The following PCDHGB1 variants were observed in gnomAD, a reference collection of about 807,000 sequenced individuals.
PCDHGB1 encodes the protein protocadherin gamma-B1.
Under a neutral mutation model 56.6 loss-of-function variants are expected in PCDHGB1, and 34 were observed. The observed-to-expected ratio is 0.60, with a 90% CI of 0.46 to 0.80. The LOEUF is 0.80. Ranked by LOEUF, PCDHGB1 falls within the 30% of genes least tolerant of loss-of-function variation. The pLI, the probability that PCDHGB1 is intolerant of heterozygous loss-of-function variation, is 0.00. For missense variants in PCDHGB1, 1,278 were observed against 1,204.6 expected (o/e 1.06, Z -0.90); for synonymous variants, 561 against 505.9 (o/e 1.11, Z -1.46).
At chr5:141,400,629 C>A (rs1416723451) in intron 1 of PCDHGB1, 1 of 1,389,786 alleles carries the variant, frequency 7.2e-7, no homozygotes, top group African/African-American at 1.4e-5. Context: ...TTAGGGAAGT[C>A]AGAGCTGCTC....
At chr5:141,446,450 T>C (rs922188307) in intron 1 of PCDHGB1, among the ~76,000 whole-genome samples, 2 of 152,018 alleles carry the variant, frequency 1.3e-5, no homozygotes, top group Non-Finnish European at 2.9e-5. Context: ...AGTGCAGATA[T>C]TCAGTGTGTG....
chr5:141,456,875 A>C (rs2098894225), intron 1 of PCDHGB1, among the ~76,000 whole-genome samples: 1 of 152,190 alleles, frequency 6.6e-6, no homozygotes, highest in African/African-American at 2.4e-5. Context: ...AGGCAGGAGA[A>C]TCGCTTGAAC....
At position 141,450,006 on chromosome 5, in the gene PCDHGB1, C is replaced by CTAT. The variant is rs70988802; in HGVS notation, c.2410-44800_2410-44799insATT. ...CACATTGCATTTAGTTGCCATGTCT[C>CTAT]TTTTTTTTTTTTTTTTTTGAGACAG... On this transcript the variant is annotated intron_variant, in intron 1 of 3. Transcript: ENST00000523390. Among the ~76,000 whole-genome samples the CTAT allele has an allele frequency of 2.5e-4, 33 of 132,964 alleles. 6 individuals are homozygous for CTAT. Among genetic ancestry groups the CTAT allele is most frequent in the Non-Finnish European group, 2.9e-4 (18 of 62,916 alleles). The allele number at this position is 132,964 out of a possible 152,430, so 87.2% of individuals were successfully genotyped here. A position where few individuals can be genotyped will look rare whatever the true frequency, so the allele number is the denominator to read the frequency against.
chr5:141,383,168 T>C, intron 1 of PCDHGB1: 1 of 1,614,096 alleles, frequency 6.2e-7, no homozygotes. Flanking sequence ...GCGGGCAGGA[T>C]AGACCGGGAA....
intron 1 of PCDHGB1, chr5:141,419,118 T>C: frequency 6.2e-7 from 1 of 1,613,806 alleles, no homozygotes; most frequent in South Asian, 1.1e-5. Context: ...GAGTACAACG[T>C]CACCATCGCA....
intron 1 of PCDHGB1, chr5:141,399,003 A>T: frequency 6.2e-7 from 1 of 1,613,966 alleles, no homozygotes; most frequent in Non-Finnish European, 8.5e-7. Context: ...GTCTGAATTC[A>T]AAGAGCGGAG....
intron 1 of PCDHGB1, chr5:141,364,133 C>A: frequency 2.1e-6 from 1 of 484,590 alleles, no homozygotes. Context: ...CGCTGTTGAC[C>A]AAAGTGGGAA....
At chr5:141,417,941 A>T (rs1319967892) in intron 1 of PCDHGB1, 1 of 1,612,890 alleles carries the variant, frequency 6.2e-7, no homozygotes, top group South Asian at 1.1e-5. Context: ...GTTCTACCCC[A>T]CGCTGTGTGA....
chr5:141,429,476 A>T (rs1279691939), intron 1 of PCDHGB1, among the ~76,000 whole-genome samples: 1 of 152,112 alleles, frequency 6.6e-6, no homozygotes, highest in Non-Finnish European at 1.5e-5. Flanking sequence ...CAATCTCCAG[A>T]GTAGCTGAGA....
At chr5:141,449,723 GA>G (rs1432635918) in intron 1 of PCDHGB1, among the ~76,000 whole-genome samples, 2 of 150,880 alleles carry the variant, frequency 1.3e-5, no homozygotes, top group Admixed American at 6.6e-5. Flanking sequence ...TATATGATAT[GA>G]TTTTTTTATG....
chr5:141,413,398 A>G lies in PCDHGB1; in HGVS notation c.2409+60729A>G, dbSNP rs780416951. The G allele has an allele frequency of 1.9e-5, 30 of 1,613,944 alleles. No homozygotes were observed. Among genetic ancestry groups the G allele is most frequent in the African/African-American group, 4.0e-5 (3 of 74,960 alleles). Reference sequence around the variant, plus strand: ...CGGAGTCCGCATAGTCTCCAGAGGTAGGACGCAGCTTTTCTCTCTGAACCC... The same window carrying G: ...CGGAGTCCGCATAGTCTCCAGAGGTGGGACGCAGCTTTTCTCTCTGAACCC... On this transcript the variant is annotated intron_variant, in intron 1 of 3. Transcript: ENST00000523390.
At chr5:141,368,306 T>C (rs1456479805) in intron 1 of PCDHGB1, among the ~76,000 whole-genome samples, 1 of 152,130 alleles carries the variant, frequency 6.6e-6, no homozygotes, top group African/African-American at 2.4e-5. Context: ...TTAAACACTG[T>C]TAAAGAGCAT....
intron 1 of PCDHGB1, among the ~76,000 whole-genome samples, chr5:141,439,431 G>A (rs2154558488): frequency 6.6e-6 from 1 of 152,298 alleles, no homozygotes; most frequent in Non-Finnish European, 1.5e-5. Flanking sequence ...AAATTCCCAG[G>A]AATATTTTAT....
chr5:141,443,478 C>T (rs2098390426), intron 1 of PCDHGB1, among the ~76,000 whole-genome samples: 1 of 152,052 alleles, frequency 6.6e-6, no homozygotes, highest in East Asian at 1.9e-4. Context: ...AGAATTAGAC[C>T]CTGTCCCAAA....
chr5:141,365,569 A>G, intron 1 of PCDHGB1: 1 of 1,613,722 alleles, frequency 6.2e-7, no homozygotes, highest in Non-Finnish European at 8.5e-7. Context: ...TGGACAGAGA[A>G]GAGACTTCAG....
intron 1 of PCDHGB1, chr5:141,361,752 G>A (rs1860253): frequency 6.2e-7 from 1 of 1,613,012 alleles, no homozygotes; most frequent in East Asian, 2.2e-5. Flanking sequence ...ACCAGGGCTC[G>A]CCCGCGCTCA....
In PCDHGB1 at chr5:141,485,101, T is replaced by C; in HGVS notation, c.2410-9706T>C. On this transcript the variant is annotated intron_variant, in intron 1 of 3. Coordinates refer to ENST00000523390, the MANE Select transcript of PCDHGB1 (RefSeq NM_018922.3). The surrounding 1 kb of genome is among the most constrained non-coding windows in gnomAD (Gnocchi z 5.7). ...GGAAAGGGAGATAGGTGTCTCCAGC[T>C]GCTGTGGCTGTTTGGGGCGGGTCGG... 1 of 1,158,208 alleles carries C rather than the reference T, an allele frequency of 8.6e-7. No homozygotes were observed. Among genetic ancestry groups the C allele is most frequent in the South Asian group, 1.4e-5 (1 of 72,622 alleles). The allele number at this position is 1,158,208 out of a possible 1,614,324, so 71.7% of individuals were successfully genotyped here.
At chr5:141,423,066 C>T (rs1375575018) in intron 1 of PCDHGB1, 2 of 1,614,002 alleles carry the variant, frequency 1.2e-6, no homozygotes, top group South Asian at 1.1e-5. Context: ...TTAAGGCCAG[C>T]GAGCCGGGAC....
intron 1 of PCDHGB1, chr5:141,361,354 G>A (rs778953840): frequency 6.8e-6 from 11 of 1,613,990 alleles, no homozygotes; most frequent in African/African-American, 2.7e-5. Flanking sequence ...ACTAGTGACA[G>A]ACGGCGCTCT....
Sources: gnomAD v4.1 joint callset for allele counts (sites outside exome capture counted in the v4.1 genomes callset) on GRCh38, gnomAD v4.1.1 for gene constraint, Gnocchi (gnomAD v3.1) non-coding constraint, MANE v1.5 for transcripts, NCBI Gene and HGNC (gene_info 2026-07-23, HGNC 2026-07-21) for gene names.